OR8G5: variants seen among roughly 807,000 people sequenced by gnomAD.
OR8G5 encodes the protein olfactory receptor 8G5.
For missense variants in OR8G5, 347 were observed against 371.9 expected (o/e 0.93, Z 0.55); for synonymous variants, 147 against 147.7 (o/e 1.00, Z 0.03).
chr11:124,263,925 G>A (rs1351404186), intron 1 of OR8G5, among the ~76,000 whole-genome samples: 1 of 151,984 alleles, frequency 6.6e-6, no homozygotes, highest in Non-Finnish European at 1.5e-5. Flanking sequence ...TTGTAATTCT[G>A]TTTTTTAATT....
At chr11:124,263,385 G>A (rs972826042) in intron 1 of OR8G5, among the ~76,000 whole-genome samples, 2 of 151,738 alleles carry the variant, frequency 1.3e-5, no homozygotes, top group African/African-American at 4.8e-5. Context: ...TTTAGGGTAC[G>A]TGTGCACAAT....
intron 1 of OR8G5, among the ~76,000 whole-genome samples, chr11:124,260,754 A>G (rs1310227103): frequency 6.6e-6 from 1 of 151,928 alleles, no homozygotes; most frequent in Non-Finnish European, 1.5e-5. Flanking sequence ...ATAGATGCAT[A>G]CAATGTGTAA....
intron 1 of OR8G5, among the ~76,000 whole-genome samples, chr11:124,258,288 G>C (rs185424891): frequency 3.2e-4 from 48 of 152,158 alleles, no homozygotes; most frequent in African/African-American, 1.0e-3. Flanking sequence ...CAGGCTCCGT[G>C]GCTCACACCT....
At chr11:124,263,744 C>T (rs1471001332) in intron 1 of OR8G5, among the ~76,000 whole-genome samples, 1 of 151,788 alleles carries the variant, frequency 6.6e-6, no homozygotes, top group Non-Finnish European at 1.5e-5. Flanking sequence ...GTTTTATGCT[C>T]AGGTCTGATT....
rs774679887 is a variant in OR8G5, at chr11:124,265,490, C to T, written c.559C>T (p.Leu187Phe). Residue 187 changes from leucine to phenylalanine, a missense_variant, in exon 2 of 2, where the codon CTC becomes TTC. Leu to Phe is a conservative substitution (Grantham distance 22, BLOSUM62 0). Transcript: ENST00000641992. Reference sequence around the variant, plus strand: ...CTGTGATCTTATTTCTATCTTGAAGCTCTCCTGTTCTAGTACTTACATTAA... The same window carrying T: ...CTGTGATCTTATTTCTATCTTGAAGTTCTCCTGTTCTAGTACTTACATTAA... ...YFCDLISILK[L>F]SCSSTYINEL... 4 of 1,613,820 alleles carry T rather than the reference C, an allele frequency of 2.5e-6. No individual in the cohort carries two copies. In the South Asian group the frequency reaches 3.3e-5, roughly 13 times the overall value.
rs200328143 is a variant in OR8G5 at position 124,265,749 on chromosome 11, T to C, written c.818T>C (p.Val273Ala). 1.4e-4 allele frequency: 224 copies of C among 1,614,028 alleles called. No individual in the cohort carries two copies. The highest frequency in any genetic ancestry group is 2.0e-4 in the Admixed American group (12 of 59,994). Residue 273 changes from valine (V) to alanine (A), a missense_variant, in exon 2 of 2, where the codon GTG becomes GCG. Physicochemically the swap from Val to Ala is moderately conservative, Grantham distance 64. Coordinates refer to ENST00000641992, the MANE Select transcript of OR8G5 (RefSeq NM_001005198.2). ...SSVSSMDQGK[V>A]SSVFYTIVVP... is the part of the protein sequence containing the mutation. ...GTCAGCTCCATGGACCAGGGGAAAG[T>C]GTCCTCTGTGTTTTATACTATTGTT... is the stretch of plus-strand genomic sequence containing the variant.
At position 124,264,959 on chromosome 11, in the gene OR8G5, A is replaced by C; in HGVS notation, c.28A>C (p.Thr10Pro). MAAENHSFV[T>P]KFILVGLTEK... ...GGCAGCAGAAAACCATTCTTTTGTG[A>C]CTAAGTTTATTCTGGTTGGGCTAAC... Residue 10 changes from threonine (T) to proline (P), a missense_variant, in exon 2 of 2, where the codon ACT (threonine) becomes CCT (proline). Physicochemically the swap from Thr to Pro is conservative, Grantham distance 38. Transcript: ENST00000641992. 6 of 1,613,858 alleles carry C rather than the reference A, an allele frequency of 3.7e-6. No homozygotes were observed. The highest frequency in any genetic ancestry group is 5.1e-6 in the Non-Finnish European group (6 of 1,179,858).
At chr11:124,263,810 A>G (rs1861999757) in intron 1 of OR8G5, among the ~76,000 whole-genome samples, 1 of 152,032 alleles carries the variant, frequency 6.6e-6, no homozygotes, top group Non-Finnish European at 1.5e-5. Context: ...GATTTTCTAA[A>G]TTTTGTATTT....
chr11:124,264,057 A>G (rs1021638480), intron 1 of OR8G5, among the ~76,000 whole-genome samples: 2 of 152,172 alleles, frequency 1.3e-5, no homozygotes, highest in Non-Finnish European at 2.9e-5. Flanking sequence ...CTATCTTCCC[A>G]TTTTTACACG....
At chr11:124,259,876 C>T (rs1303064920) in intron 1 of OR8G5, among the ~76,000 whole-genome samples, 3 of 151,968 alleles carry the variant, frequency 2.0e-5, no homozygotes, top group Non-Finnish European at 4.4e-5. Flanking sequence ...CACATTCACA[C>T]CAAGCAATTG....
intron 1 of OR8G5, 100 bp from the exon 2 acceptor site, chr11:124,264,818 C>A (rs759267021): frequency 3.3e-5 from 48 of 1,460,156 alleles, no homozygotes; most frequent in Non-Finnish European, 4.4e-5. Context: ...TTAATTGAAC[C>A]GGAGTTAAAT....
rs2512193 is a variant in OR8G5 at position 124,256,555 on chromosome 11, G to C, written c.-94G>C. ...GGCTTGGTACCTATGACTTCCAACA[G>C]CAGCATTAGTGCCATTCTCCAAGTC... On this transcript the variant is annotated 5_prime_UTR_variant, in exon 1 of 2. Transcript: ENST00000641992. 0.85 allele frequency: 129,981 copies of C among 152,196 alleles called. 55,602 individuals carry two copies. The highest frequency in any genetic ancestry group is 0.89 in the East Asian group (4,620 of 5,176). The allele number at this position is 152,196 out of a possible 1,614,324, so 9.4% of individuals were successfully genotyped here. A position where few individuals can be genotyped will look rare whatever the true frequency, so the allele number is the denominator to read the frequency against.
At chr11:124,261,166 G>A (rs2954985) in intron 1 of OR8G5, among the ~76,000 whole-genome samples, 68,768 of 146,138 alleles carry the variant, frequency 0.47, 17,279 homozygotes, top group East Asian at 0.57. Context: ...TTGTGTATGT[G>A]TACCACATTT....
intron 1 of OR8G5, among the ~76,000 whole-genome samples, chr11:124,259,723 A>C (rs1861949288): frequency 6.6e-6 from 1 of 152,140 alleles, no homozygotes; most frequent in Non-Finnish European, 1.5e-5. Flanking sequence ...TACCTGAATC[A>C]ACAAACACTC....
rs144676946 is a variant in OR8G5, at chr11:124,261,002, G to T, written c.-14-3916G>T. On this transcript the variant is annotated intron_variant, in intron 1 of 1. Transcript: ENST00000641992. ...ACCCAGTCAGTCTTTCCAGCCACCA[G>T]TGACTGTCATTCTACTCTATCTCCA... Among the ~76,000 whole-genome samples the T allele has an allele frequency of 7.2e-4, 64 of 88,852 alleles. No individual in the cohort carries two copies. In the East Asian group the frequency reaches 0.019, roughly 26 times the overall value. The allele number at this position is 88,852 out of a possible 152,430, so 58.3% of individuals were successfully genotyped here.
At chr11:124,262,647 G>C (rs1385683428) in intron 1 of OR8G5, among the ~76,000 whole-genome samples, 1 of 147,592 alleles carries the variant, frequency 6.8e-6, no homozygotes, top group African/African-American at 2.5e-5. Flanking sequence ...ATTCTCAATA[G>C]TATTCAGTTT....
At chr11:124,264,250 A>G (rs1862005086) in intron 1 of OR8G5, among the ~76,000 whole-genome samples, 2 of 152,180 alleles carry the variant, frequency 1.3e-5, no homozygotes, top group Non-Finnish European at 2.9e-5. Flanking sequence ...ATTTGAATAC[A>G]AGCACTTTGA....
intron 1 of OR8G5, among the ~76,000 whole-genome samples, chr11:124,259,972 T>C (rs1465330354): frequency 6.6e-6 from 1 of 152,086 alleles, no homozygotes; most frequent in Non-Finnish European, 1.5e-5. Flanking sequence ...TATACAGATG[T>C]TGAGAAAGGG....
chr11:124,257,780 G>C (rs572095433), intron 1 of OR8G5, among the ~76,000 whole-genome samples: 1 of 152,134 alleles, frequency 6.6e-6, no homozygotes, highest in Admixed American at 6.5e-5. Flanking sequence ...GTTAGATAAG[G>C]AAATTCCAAA....
Sources: gnomAD v4.1 joint callset for allele counts (sites outside exome capture counted in the v4.1 genomes callset) on GRCh38, gnomAD v4.1.1 for gene constraint, MANE v1.5 for transcripts, NCBI Gene and HGNC (gene_info 2026-07-23, HGNC 2026-07-21) for gene names.